NEGR1: variants seen among roughly 807,000 people sequenced by gnomAD.
NEGR1 encodes neuronal growth regulator 1.
A neutral mutation model predicts 40.9 loss-of-function variants in NEGR1; 10 were observed. That is an observed-to-expected ratio of 0.24 (90% confidence interval 0.15 to 0.42). The LOEUF (loss-of-function observed/expected upper bound fraction) is 0.42, where lower values mean the gene tolerates loss of function less well. Ranked by LOEUF, NEGR1 falls within the 10% of genes least tolerant of loss-of-function variation. NEGR1 has a pLI of 1.00. For missense variants in NEGR1, 352 were observed against 438.9 expected (o/e 0.80, Z 1.77); for synonymous variants, 185 against 166.8 (o/e 1.11, Z -0.84).
At chr1:72,183,298 AG>A (rs1273964113) in intron 1 of NEGR1, among the ~76,000 whole-genome samples, 1 of 152,072 alleles carries the variant, frequency 6.6e-6, no homozygotes, top group Non-Finnish European at 1.5e-5. Flanking sequence ...GATTGAGCAT[AG>A]GGGTACTAGA....
At chr1:71,506,904 C>T (rs1351617691) in intron 6 of NEGR1, among the ~76,000 whole-genome samples, 1 of 152,154 alleles carries the variant, frequency 6.6e-6, no homozygotes, top group African/African-American at 2.4e-5. Flanking sequence ...GGCTAGTCAG[C>T]CCAAACCTGT....
Position 71,398,933 on chromosome 1 carries a change from C to T in NEGR1, c.*8513G>A, listed in dbSNP as rs915908920. On this transcript the variant is annotated 3_prime_UTR_variant, in exon 7 of 7. Coordinates refer to ENST00000357731, the MANE Select transcript of NEGR1 (RefSeq NM_173808.3). ...AGTTTATCTGCACAAGCTCTTTTCT[C>T]TTGTCTGCTGCCATATGAGACGTGC... The T allele has an allele frequency of 1.3e-5, 2 of 152,280 alleles. No individual in the cohort carries two copies. Among genetic ancestry groups the T allele is most frequent in the Admixed American group, 6.5e-5 (1 of 15,278 alleles). 9.4% of individuals were successfully genotyped at this position (152,280 alleles called of 1,614,324 possible). A position where few individuals can be genotyped will look rare whatever the true frequency, so the allele number is the denominator to read the frequency against.
rs534794405 is a variant in NEGR1 at position 72,188,024 on chromosome 1, AT to A, written c.176+94294del. 3.6e-4 allele frequency among the ~76,000 whole-genome samples: 55 copies of A among 151,596 alleles called. 2 individuals carry two copies. In the South Asian group the frequency reaches 0.011, roughly 30 times the overall value. The stretch of plus-strand genomic sequence containing the variant: ...GGAAGAGTTTAATACTCTCACCCAT[AT>A]TCAAATCATTCTAAGGATTAGAATA... On this transcript the variant is annotated intron_variant, in intron 1 of 6. Coordinates refer to ENST00000357731, the MANE Select transcript of NEGR1 (RefSeq NM_173808.3).
intron 1 of NEGR1, among the ~76,000 whole-genome samples, chr1:71,954,822 C>T (rs1646105576): frequency 1.3e-5 from 2 of 152,084 alleles, no homozygotes; most frequent in African/African-American, 4.8e-5. Context: ...GTACTGCAGT[C>T]TTGTGGCTGT....
At position 71,420,948 on chromosome 1, in the gene NEGR1, A is replaced by G. The variant is rs114999122; in HGVS notation, c.941-13378T>C. On this transcript the variant is annotated intron_variant, in intron 6 of 6. Coordinates refer to ENST00000357731, the MANE Select transcript of NEGR1 (RefSeq NM_173808.3). ...GACATTTCAACCAATAAAATACAAA[A>G]TGAGTTTGTTCTACATACTTGCTGA... 5.6e-3 allele frequency among the ~76,000 whole-genome samples: 856 copies of G among 152,158 alleles called. 6 individuals are homozygous for G. Among genetic ancestry groups the G allele is most frequent in the African/African-American group, 0.02 (816 of 41,570 alleles).
At chr1:71,612,079 G>A (rs547250887) in intron 4 of NEGR1, among the ~76,000 whole-genome samples, 22 of 152,196 alleles carry the variant, frequency 1.4e-4, no homozygotes, top group African/African-American at 4.3e-4. Flanking sequence ...AAAATTAGCC[G>A]GGCATGGTGG....
intron 4 of NEGR1, among the ~76,000 whole-genome samples, chr1:71,656,475 G>C (rs12024864): frequency 0.47 from 70,524 of 151,534 alleles, 16,743 homozygotes; most frequent in East Asian, 0.65. Context: ...TGCAGTGGCG[G>C]GATCTCGGCT....
chr1:71,920,819 C>T (rs992883024), intron 2 of NEGR1, among the ~76,000 whole-genome samples: 2 of 152,172 alleles, frequency 1.3e-5, no homozygotes, highest in African/African-American at 4.8e-5. Context: ...TTCTAGACAG[C>T]TCACAGCTCC....
chr1:72,048,260 AACATTACCTTACAGAATGTTAGAATTGG>A (rs1647021478), intron 1 of NEGR1, among the ~76,000 whole-genome samples: 1 of 151,666 alleles, frequency 6.6e-6, no homozygotes, highest in Non-Finnish European at 1.5e-5. Context: ...TCGTTAAACT[AACATTACCTTACAGAATGTTAGAATTGG>A]AAGCAACTTT....
intron 4 of NEGR1, among the ~76,000 whole-genome samples, chr1:71,626,670 C>T (rs1650793288): frequency 6.6e-6 from 1 of 152,012 alleles, no homozygotes; most frequent in South Asian, 2.1e-4. Context: ...AGAACTTCTG[C>T]ACTGCAAAAG....
chr1:71,638,437 A>C (rs1651234835), intron 4 of NEGR1, among the ~76,000 whole-genome samples: 1 of 152,110 alleles, frequency 6.6e-6, no homozygotes, highest in African/African-American at 2.4e-5. Context: ...GAGAATATAA[A>C]AATAAAGCAT....
chr1:71,558,235 T>C (rs778772834), intron 6 of NEGR1, among the ~76,000 whole-genome samples: 11 of 151,564 alleles, frequency 7.3e-5, no homozygotes, highest in Non-Finnish European at 1.3e-4. Context: ...CTCAAAGGGA[T>C]AGGAATTAAG....
At chr1:72,209,298 A>G (rs1653514954) in intron 1 of NEGR1, among the ~76,000 whole-genome samples, 1 of 151,654 alleles carries the variant, frequency 6.6e-6, no homozygotes, top group Non-Finnish European at 1.5e-5. Context: ...TTGACTCTTT[A>G]TCTCCCAAAT....
At chr1:71,427,998 T>TTA (rs1646440385) in intron 6 of NEGR1, among the ~76,000 whole-genome samples, 1 of 149,910 alleles carries the variant, frequency 6.7e-6, no homozygotes, top group African/African-American at 2.4e-5. Flanking sequence ...GATAACACAC[T>TTA]CACACACACA....
intron 2 of NEGR1, among the ~76,000 whole-genome samples, chr1:71,879,670 A>G (rs1660528840): frequency 6.6e-6 from 1 of 152,186 alleles, no homozygotes; most frequent in Admixed American, 6.5e-5. Flanking sequence ...ATGAAAAACA[A>G]CATAACTTTC....
intron 1 of NEGR1, among the ~76,000 whole-genome samples, chr1:72,003,989 G>GAT (rs1166683644): frequency 6.6e-6 from 1 of 151,862 alleles, no homozygotes. Flanking sequence ...GAAAAATAAA[G>GAT]ATATATATAT....
chr1:71,538,046 CAG>C (rs1283351924), intron 6 of NEGR1, among the ~76,000 whole-genome samples: 1 of 151,624 alleles, frequency 6.6e-6, no homozygotes, highest in Non-Finnish European at 1.5e-5. Context: ...GTACATAAAA[CAG>C]AGGTGAAGAG....
intron 6 of NEGR1, among the ~76,000 whole-genome samples, chr1:71,411,949 C>T (rs746825265): frequency 2.0e-5 from 3 of 151,918 alleles, no homozygotes; most frequent in East Asian, 1.9e-4. Flanking sequence ...TGCAGTGAGC[C>T]GAGATCGCGC....
intron 1 of NEGR1, among the ~76,000 whole-genome samples, chr1:72,166,737 T>C (rs2100385843): frequency 6.6e-6 from 1 of 152,196 alleles, no homozygotes; most frequent in Non-Finnish European, 1.5e-5. Flanking sequence ...AGAGTATTAT[T>C]ATGGTTACCA....
Sources: gnomAD v4.1 joint callset for allele counts (sites outside exome capture counted in the v4.1 genomes callset) on GRCh38, gnomAD v4.1.1 for gene constraint, MANE v1.5 for transcripts, NCBI Gene and HGNC (gene_info 2026-07-23, HGNC 2026-07-21) for gene names.